Variants in ZC3H4 observed in about 807,000 individuals in gnomAD.
ZC3H4 encodes the protein zinc finger CCCH domain-containing protein 4.
In ZC3H4, 13 loss-of-function variants were observed where a neutral mutation model predicts 108.3. The observed-to-expected ratio is 0.12, with a 90% CI of 0.08 to 0.19. ZC3H4 has a LOEUF of 0.19. ZC3H4 is among the 10% of genes least tolerant of loss of function. The pLI is 1.00. For synonymous variants in ZC3H4, 917 were observed against 749.6 expected, an observed-to-expected ratio of 1.22 and a Z score of -3.65; for missense variants, 1,734 against 1,838.8, an observed-to-expected ratio of 0.94 and a Z score of 1.04.
chr19:47,085,556 C>A, intron 6 of ZC3H4, 142 bp from the exon 7 acceptor site: 1 of 707,310 alleles, frequency 1.4e-6, no homozygotes, highest in Non-Finnish European at 2.3e-6. Flanking sequence ...AGCCTGACGA[C>A]AGGTGGTCCC....
In ZC3H4 at chr19:47,066,639, G is replaced by A. The variant is rs1599949187; in HGVS notation, c.3629C>T (p.Thr1210Ile). The change falls in exon 15 of 15, where the codon ACC becomes ATC. Residue 1210 changes from threonine to isoleucine, a missense_variant. Coordinates refer to ENST00000253048, the MANE Select transcript of ZC3H4 (RefSeq NM_015168.2). Reference sequence around the variant, plus strand: ...GTAGCTGTTGTATCTGTCCGTGGGGGTGCCCCCATCAGCACCGGCCTTCCC... The same window carrying A: ...GTAGCTGTTGTATCTGTCCGTGGGGATGCCCCCATCAGCACCGGCCTTCCC... The part of the protein sequence containing the change: ...ETGKAGADGG[T>I]PTDRYNSYNR... The A allele has an allele frequency of 1.9e-6, 3 of 1,611,950 alleles. No homozygotes were observed. Among genetic ancestry groups the A allele is most frequent in the East Asian group, 2.2e-5 (1 of 44,850 alleles).
At position 47,071,978 on chromosome 19, in the gene ZC3H4, T is replaced by C. The variant is rs1345543364; in HGVS notation, c.1946A>G (p.His649Arg). Residue 649 changes from histidine to arginine, a missense_variant, in exon 13 of 15, where the codon CAC becomes CGC. Around this residue, in one of 9 missense-constraint regions of ZC3H4, gnomAD observed 540 missense variants for 484.1 expected, o/e 1.12. Coordinates refer to ENST00000253048, the MANE Select transcript of ZC3H4 (RefSeq NM_015168.2). ...GCCAGGGCCCATCGGCATGTCTGCGTGCATGTCTGCGTGCATGTCAGGGTG... is the reference window on the plus strand; with the variant it reads ...GCCAGGGCCCATCGGCATGTCTGCGCGCATGTCTGCGTGCATGTCAGGGTG... ...DMHPDMHADM[H>R]ADMPMGPGMN... 6.4e-7 allele frequency: 1 copy of C among 1,573,030 alleles called. No individual in the cohort carries two copies. The highest frequency in any genetic ancestry group is 1.7e-5 in the Admixed American group (1 of 57,830).
chr19:47,074,628 C>T (rs1319239086), intron 11 of ZC3H4, among the ~76,000 whole-genome samples: 3 of 152,240 alleles, frequency 2.0e-5, no homozygotes, highest in African/African-American at 7.2e-5. Flanking sequence ...TAAACTGTTT[C>T]TGCAACCAAT....
Position 47,094,428 on chromosome 19 carries a change from C to T in ZC3H4, c.342G>A (p.Glu114=), listed in dbSNP as rs528876933. The T allele has an allele frequency of 1.3e-4, 205 of 1,614,206 alleles. 3 individuals carry two copies. The highest frequency in any genetic ancestry group is 1.1e-3 in the South Asian group (98 of 91,084). ...TCCTCCTCTTCTTCGACCTCCTTTT[C>T]TCTTTCTCCCGCTCTTTCTTCCGTT... ...KRKRKKEREK[E]KRRSKKRRKS... The change falls in exon 3 of 15, where the codon GAG becomes GAA. Residue 114 remains glutamate, a synonymous_variant. Transcript: ENST00000253048.
At chr19:47,074,670 CA>C (rs981314790) in intron 11 of ZC3H4, among the ~76,000 whole-genome samples, 6 of 152,222 alleles carry the variant, frequency 3.9e-5, no homozygotes, top group Non-Finnish European at 7.3e-5. Flanking sequence ...CTTTGCCCCC[CA>C]AATCTGGAAT....
At position 47,085,113 on chromosome 19, in the gene ZC3H4, T is replaced by TCCTCGGCTGCCACCTCGG. The variant is rs767175661; in HGVS notation, c.1032_1049dup (p.Arg345_Gly350dup). 1.9e-6 allele frequency: 3 copies of TCCTCGGCTGCCACCTCGG among 1,614,080 alleles called. No homozygotes were observed. The highest frequency in any genetic ancestry group is 1.3e-5 in the African/African-American group (1 of 74,940). ...CGTTCATTCCGCCCTTGTTCATCCCTCCTCGGCTGCCACCTCGGCCTCGGC... is the reference window on the plus strand; with the variant it reads ...CGTTCATTCCGCCCTTGTTCATCCCTCCTCGGCTGCCACCTCGGCCTCGGCTGCCACCTCGGCCTCGGC... On this transcript the variant is annotated inframe_insertion, in exon 8 of 15. Transcript: ENST00000253048.
intron 2 of ZC3H4, among the ~76,000 whole-genome samples, chr19:47,110,146 C>G (rs2058019576): frequency 6.6e-6 from 1 of 152,116 alleles, no homozygotes; most frequent in South Asian, 2.1e-4. Context: ...ATTTTAACGT[C>G]CATCACCACA....
chr19:47,067,543 G>A lies in ZC3H4; in HGVS notation c.2725C>T (p.Pro909Ser). 1 of 1,600,890 alleles carries A rather than the reference G, an allele frequency of 6.2e-7. No homozygotes were observed. The highest frequency in any genetic ancestry group is 2.2e-5 in the East Asian group (1 of 44,754). Reference sequence around the variant, plus strand: ...CCCTTGGAACTGCTGGGGCCCACAGGGCTGGAATGAAGGCTGCCTTCGGGC... The same window carrying A: ...CCCTTGGAACTGCTGGGGCCCACAGAGCTGGAATGAAGGCTGCCTTCGGGC... ...SKPEGSLHSSPVGPSSSKGSG... is the reference protein window; with the variant it reads ...SKPEGSLHSSSVGPSSSKGSG... Residue 909 changes from proline (P) to serine (S), a missense_variant, in exon 15 of 15, where the codon CCT (proline) becomes TCT (serine). Pro to Ser is a moderately conservative substitution (Grantham distance 74). Transcript: ENST00000253048. The surrounding 1 kb of genome is among the most constrained non-coding windows in gnomAD (Gnocchi z 6.4).
At chr19:47,091,875 A>G (rs1246298204) in intron 4 of ZC3H4, among the ~76,000 whole-genome samples, 1 of 152,190 alleles carries the variant, frequency 6.6e-6, no homozygotes, top group African/African-American at 2.4e-5. Flanking sequence ...CTTGGGCGAC[A>G]GAGCGAGACT....
At chr19:47,091,916 A>G (rs2057738953) in intron 4 of ZC3H4, among the ~76,000 whole-genome samples, 1 of 151,998 alleles carries the variant, frequency 6.6e-6, no homozygotes, top group African/African-American at 2.4e-5. Context: ...GAATGAACGC[A>G]TAAAAAAGTC....
intron 2 of ZC3H4, among the ~76,000 whole-genome samples, chr19:47,108,991 G>T (rs1181043784): frequency 1.3e-5 from 2 of 152,034 alleles, no homozygotes; most frequent in Non-Finnish European, 2.9e-5. Context: ...ACTTTGATTT[G>T]CTTTCAAGTT....
In ZC3H4 at chr19:47,111,174, C is replaced by G. The variant is rs561488047; in HGVS notation, c.161+1250G>C. Among the ~76,000 whole-genome samples the G allele has an allele frequency of 3.3e-5, 5 of 152,296 alleles. No individual in the cohort carries two copies. The East Asian group carries it at 9.6e-4, about 29-fold the overall frequency. On this transcript the variant is annotated intron_variant, in intron 2 of 14. Transcript: ENST00000253048. Reference sequence around the variant, plus strand: ...ACTCGCTTTCCTGCCGGCTGAAACCCACCGTCCGTGTCCAAACCTACTCTC... The same window carrying G: ...ACTCGCTTTCCTGCCGGCTGAAACCGACCGTCCGTGTCCAAACCTACTCTC...
intron 2 of ZC3H4, among the ~76,000 whole-genome samples, chr19:47,096,567 G>A (rs945728295): frequency 7.9e-5 from 12 of 152,222 alleles, no homozygotes; most frequent in African/African-American, 2.9e-4. Context: ...CACCCTGATG[G>A]GAATACTGGG....
chr19:47,102,893 C>T (rs779118372), intron 2 of ZC3H4, among the ~76,000 whole-genome samples: 3 of 152,158 alleles, frequency 2.0e-5, no homozygotes, highest in Non-Finnish European at 4.4e-5. Flanking sequence ...TGTGCAGTGT[C>T]CACTCTGGGG....
rs755776152 is a variant in ZC3H4, at chr19:47,072,334, G to T, written c.1802+18C>A. On this transcript the variant is annotated intron_variant, in intron 12 of 14. Transcript: ENST00000253048. The surrounding 1 kb of genome is among the most constrained non-coding windows in gnomAD (Gnocchi z 5.6). The stretch of plus-strand genomic sequence containing the variant: ...AGGACAGCGCCCACTGCCTGTCACG[G>T]GGGTCCAGGGCACTCACCTCACACC... 1 of 1,610,420 alleles carries T rather than the reference G, an allele frequency of 6.2e-7. No homozygotes were observed. The highest frequency in any genetic ancestry group is 2.2e-5 in the East Asian group (1 of 44,722).
rs778628328 is a variant in ZC3H4 at position 47,069,168 on chromosome 19, C to T, written c.2322G>A (p.Gln774=). ...TCTCCTCCTCCTCCTGCTGCTTCTG[C>T]TGGATCCTCAGGTACAGGGCCCTCT... ...SAQRALYLRI[Q]QKQQEEEERA... The change falls in exon 14 of 15, where the codon CAG becomes CAA. Residue 774 remains glutamine (Q), a synonymous_variant. Coordinates refer to ENST00000253048, the MANE Select transcript of ZC3H4 (RefSeq NM_015168.2). 32 of 1,609,318 alleles carry T rather than the reference C, an allele frequency of 2.0e-5. 1 individual carries two copies. In the South Asian group the frequency reaches 3.3e-4, roughly 17 times the overall value.
chr19:47,067,035 G>A lies in ZC3H4; in HGVS notation c.3233C>T (p.Thr1078Ile). 6.2e-7 allele frequency: 1 copy of A among 1,604,192 alleles called. No individual in the cohort carries two copies. The highest frequency in any genetic ancestry group is 8.5e-7 in the Non-Finnish European group (1 of 1,175,198). ...PSDPRVRKAP[T>I]DPRLQKPTDS... Reference sequence around the variant, plus strand: ...TGTGGGTTTCTGCAGCCGAGGGTCGGTGGGGGCCTTCCGCACCCGGGGGTC... The same window carrying A: ...TGTGGGTTTCTGCAGCCGAGGGTCGATGGGGGCCTTCCGCACCCGGGGGTC... The change falls in exon 15 of 15, where the codon ACC (threonine) becomes ATC (isoleucine). Residue 1078 changes from threonine (T) to isoleucine (I), a missense_variant. By Grantham distance (89) the Thr-to-Ile change is moderately conservative. Transcript: ENST00000253048. This position sits in a 1 kb window ranked among gnomAD's most constrained non-coding sequence, Gnocchi z 6.4.
intron 5 of ZC3H4, among the ~76,000 whole-genome samples, chr19:47,089,180 T>C (rs2122936892): frequency 8.2e-6 from 1 of 121,864 alleles, no homozygotes; most frequent in African/African-American, 3.3e-5. Context: ...CACTCCAGCC[T>C]GGCGACAGAG....
chr19:47,108,365 T>A (rs1353856027), intron 2 of ZC3H4, among the ~76,000 whole-genome samples: 1 of 152,174 alleles, frequency 6.6e-6, no homozygotes, highest in Non-Finnish European at 1.5e-5. Flanking sequence ...ATTAGCAATT[T>A]TCACCAGAGG....
Sources: allele counts gnomAD v4.1 joint callset (sites outside exome capture counted in the v4.1 genomes callset), GRCh38; gene constraint gnomAD v4.1.1; regional missense constraint gnomAD v4.1.1; non-coding constraint Gnocchi (gnomAD v3.1); transcripts MANE v1.5; gene names NCBI Gene and HGNC (gene_info 2026-07-23, HGNC 2026-07-21).